Variants in UGT1A9 observed in about 807,000 individuals in gnomAD.
The protein encoded by UGT1A9 is UDP glucuronosyltransferase family 1 member A9, also known as UDP-glucuronosyltransferase 1A9.
In UGT1A9, 35 loss-of-function variants were observed where a neutral mutation model predicts 45.0. That is an observed-to-expected ratio of 0.78 (90% CI 0.59 to 1.03). The LOEUF (loss-of-function observed/expected upper bound fraction) is 1.03, where lower values mean the gene tolerates loss of function less well. Among genes scored for constraint, UGT1A9 ranks in the 50% least tolerant of loss-of-function variants. The pLI, the probability that UGT1A9 is intolerant of heterozygous loss-of-function variation, is 0.00. For synonymous variants in UGT1A9, 278 were observed against 250.6 expected (o/e 1.11, Z -1.03); for missense variants, 687 against 666.6 (o/e 1.03, Z -0.34).
At chr2:233,743,773 C>A (rs367921172) in intron 1 of UGT1A9, 4 of 1,367,248 alleles carry the variant, frequency 2.9e-6, no homozygotes, top group African/African-American at 1.5e-5. Context: ...CCTCGGCCAC[C>A]TGCTTGAATC....
At chr2:233,751,110 CCA>C (rs1235610368) in intron 1 of UGT1A9, among the ~76,000 whole-genome samples, 2 of 151,964 alleles carry the variant, frequency 1.3e-5, no homozygotes, top group African/African-American at 4.9e-5. Flanking sequence ...GCCCTGCAAG[CCA>C]CAGTGTCCAA....
chr2:233,705,074 TG>T (rs1342068757), intron 1 of UGT1A9, among the ~76,000 whole-genome samples: 1 of 151,140 alleles, frequency 6.6e-6, no homozygotes, highest in East Asian at 1.9e-4. Flanking sequence ...AGGCGGAGGT[TG>T]CAGAGAGCCA....
In UGT1A9 at chr2:233,695,130, C is replaced by CTTTCTTTCTTTTT. The variant is rs1364557158; in HGVS notation, c.855+22344_855+22345insCTTTCTTTTTTTT. Among the ~76,000 whole-genome samples the CTTTCTTTCTTTTT allele has an allele frequency of 8.6e-5, 12 of 138,840 alleles. 1 individual carries two copies. Among genetic ancestry groups the CTTTCTTTCTTTTT allele is most frequent in the African/African-American group, 3.3e-4 (12 of 36,796 alleles). The allele number at this position is 138,840 out of a possible 152,430, so 91.1% of individuals were successfully genotyped here. A position where few individuals can be genotyped will look rare whatever the true frequency, so the allele number is the denominator to read the frequency against. On this transcript the variant is annotated intron_variant, in intron 1 of 4. Coordinates refer to ENST00000354728, the MANE Select transcript of UGT1A9 (RefSeq NM_021027.3). ...GCCCATTAACCAACCCTTTTCTTTT[C>CTTTCTTTCTTTTT]TTTTTTTTTTTTTTGAGACAGAGTC...
intron 1 of UGT1A9, among the ~76,000 whole-genome samples, chr2:233,714,871 A>G (rs920771316): frequency 1.6e-4 from 24 of 148,302 alleles, no homozygotes; most frequent in African/African-American, 4.5e-4. Flanking sequence ...CTAAAATTCT[A>G]TCTTTTAAAT....
chr2:233,682,551 A>C (rs1349581961), intron 1 of UGT1A9: 2 of 1,613,822 alleles, frequency 1.2e-6, no homozygotes, highest in African/African-American at 1.3e-5. Context: ...ACTTTCAAGG[A>C]GAGAGTATGG....
chr2:233,688,503 T>G (rs1400244205), intron 1 of UGT1A9, among the ~76,000 whole-genome samples: 1 of 152,180 alleles, frequency 6.6e-6, no homozygotes, highest in Non-Finnish European at 1.5e-5. Context: ...GAATGTCACA[T>G]GCAGTGAAAT....
intron 1 of UGT1A9, among the ~76,000 whole-genome samples, chr2:233,690,280 A>G (rs1258488355): frequency 6.6e-6 from 1 of 152,156 alleles, no homozygotes; most frequent in African/African-American, 2.4e-5. Context: ...GTCCTTTGAA[A>G]TCTTGCAGGT....
intron 1 of UGT1A9, chr2:233,729,211 G>A (rs1212388025): frequency 6.2e-7 from 1 of 1,613,958 alleles, no homozygotes; most frequent in African/African-American, 1.3e-5. Flanking sequence ...GGCTGAGAGT[G>A]GAAAGGTGTT....
At chr2:233,737,798 AC>A (rs2125811044) in intron 1 of UGT1A9, among the ~76,000 whole-genome samples, 1 of 151,388 alleles carries the variant, frequency 6.6e-6, no homozygotes, top group African/African-American at 2.4e-5. Flanking sequence ...TCAAATCTTC[AC>A]TATCATCTCA....
intron 1 of UGT1A9, chr2:233,718,705 T>C: frequency 1.9e-6 from 3 of 1,603,136 alleles, no homozygotes; most frequent in Non-Finnish European, 2.6e-6. Flanking sequence ...CACTTTGTCT[T>C]CCAATTACAT....
intron 1 of UGT1A9, among the ~76,000 whole-genome samples, chr2:233,677,872 A>T (rs28948388): frequency 0.028 from 4,312 of 152,304 alleles, 98 homozygotes; most frequent in Non-Finnish European, 0.045. Context: ...ATGCACTGGT[A>T]TGTTCATTGC....
intron 1 of UGT1A9, among the ~76,000 whole-genome samples, chr2:233,689,248 C>T (rs1219951031): frequency 1.3e-5 from 2 of 152,214 alleles, no homozygotes. Flanking sequence ...GTGAGTGATT[C>T]AGACTTGACT....
rs1390329998 is a variant in UGT1A9 at position 233,760,823 on chromosome 2, T to A, written c.856-6211T>A. 6.2e-7 allele frequency: 1 copy of A among 1,613,528 alleles called. No homozygotes were observed. Among genetic ancestry groups the A allele is most frequent in the East Asian group, 2.2e-5 (1 of 44,862 alleles). On this transcript the variant is annotated intron_variant, in intron 1 of 4. Coordinates refer to ENST00000354728, the MANE Select transcript of UGT1A9 (RefSeq NM_021027.3). ...TTCTTGCATGCACTGCCATGCAGCC[T>A]GGAATTTGAGGCTACCCAGTGCCCC...
intron 1 of UGT1A9, among the ~76,000 whole-genome samples, chr2:233,675,616 A>G (rs2125508063): frequency 1.3e-5 from 2 of 152,244 alleles, no homozygotes; most frequent in South Asian, 4.1e-4. Context: ...CACTAAAATT[A>G]TTTACTTCAA....
intron 1 of UGT1A9, among the ~76,000 whole-genome samples, chr2:233,759,283 A>C (rs562983605): frequency 1.3e-5 from 2 of 152,282 alleles, no homozygotes; most frequent in East Asian, 3.9e-4. Flanking sequence ...TGATTGGTTG[A>C]TGAAGCTGAG....
chr2:233,743,699 G>A (rs780880081), intron 1 of UGT1A9: 5 of 1,367,152 alleles, frequency 3.7e-6, no homozygotes, highest in African/African-American at 3.0e-5. Context: ...GCCGCCCTCC[G>A]CCCCCGCCTC....
chr2:233,718,935 A>G, intron 1 of UGT1A9: 1 of 1,614,132 alleles, frequency 6.2e-7, no homozygotes, highest in South Asian at 1.1e-5. Context: ...CACTGATGGC[A>G]GCCCCTGGCT....
chr2:233,768,302 G>A lies in UGT1A9; in HGVS notation c.1158G>A (p.Val386=). The change falls in exon 4 of 5, where the codon GTG becomes GTA. Residue 386 remains valine, a synonymous_variant. Coordinates refer to ENST00000354728, the MANE Select transcript of UGT1A9 (RefSeq NM_021027.3). Reference sequence around the variant, plus strand: ...GCATATGCAATGGCGTTCCCATGGTGATGATGCCCTTGTTTGGTGATCAGA... The same window carrying A: ...GCATATGCAATGGCGTTCCCATGGTAATGATGCCCTTGTTTGGTGATCAGA... ...YESICNGVPM[V]MMPLFGDQMD... is the part of the protein sequence containing the mutation. 1 of 1,614,228 alleles carries A rather than the reference G, an allele frequency of 6.2e-7. No homozygotes were observed. Among genetic ancestry groups the A allele is most frequent in the Non-Finnish European group, 8.5e-7 (1 of 1,180,048 alleles).
At chr2:233,673,229 G>C (rs1406544946) in intron 1 of UGT1A9, among the ~76,000 whole-genome samples, 2 of 151,920 alleles carry the variant, frequency 1.3e-5, no homozygotes, top group Non-Finnish European at 2.9e-5. Flanking sequence ...ATCTAGTATT[G>C]GGCTGGACAT....
Sources: allele counts gnomAD v4.1 joint callset (sites outside exome capture counted in the v4.1 genomes callset), GRCh38; gene constraint gnomAD v4.1.1; transcripts MANE v1.5; gene names NCBI Gene and HGNC (gene_info 2026-07-23, HGNC 2026-07-21).